Variants in SPART observed in about 807,000 individuals in gnomAD.
The protein encoded by SPART is spartin, also known as spastic paraplegia 20 (Troyer syndrome).
Under a neutral mutation model 58.7 loss-of-function variants are expected in SPART, and 35 were observed. That is an observed-to-expected ratio of 0.60 (90% CI 0.46 to 0.79). The LOEUF (loss-of-function observed/expected upper bound fraction) is 0.79. Ranked by LOEUF, SPART falls within the 30% of genes least tolerant of loss-of-function variation. SPART has a pLI of 0.00. For missense variants in SPART, 730 were observed against 786.1 expected (o/e 0.93, Z 0.85); for synonymous variants, 284 against 280.7 (o/e 1.01, Z -0.12).
chr13:36,313,011 C>T (rs903483137), intron 6 of SPART, among the ~76,000 whole-genome samples: 9 of 151,748 alleles, frequency 5.9e-5, no homozygotes, highest in Admixed American at 1.3e-4. Flanking sequence ...ATACTAAATA[C>T]CAAAAAAGAT....
At chr13:36,363,351 ATC>A (rs148406750) in intron 1 of SPART, among the ~76,000 whole-genome samples, 203 of 147,138 alleles carry the variant, frequency 1.4e-3, no homozygotes, top group Non-Finnish European at 1.1e-3. Context: ...TTAAATAAGC[ATC>A]TCTCTCTCTC....
At chr13:36,332,307 G>C (rs1296171034) in intron 2 of SPART, among the ~76,000 whole-genome samples, 1 of 152,142 alleles carries the variant, frequency 6.6e-6, no homozygotes, top group Non-Finnish European at 1.5e-5. Context: ...GACCTGCCTG[G>C]ACAACATGGT....
intron 1 of SPART, among the ~76,000 whole-genome samples, chr13:36,340,711 G>A (rs941704348): frequency 2.0e-5 from 3 of 151,946 alleles, no homozygotes; most frequent in Non-Finnish European, 4.4e-5. Flanking sequence ...TGGAGTAGGA[G>A]ACAACAGAAA....
rs1265280964 is a variant in SPART, at chr13:36,304,366, C to A, written c.2000G>T (p.Ter667LeuextTer1). Residue 667 changes from the stop codon to leucine (L), a stop_lost, in exon 9 of 9, where the codon TGA (stop) becomes TTA (leucine). Transcript: ENST00000438666. The part of the protein sequence containing the change: ...EVKEAKKKDK[*>L] ...GTATAAGTGATTCCCAGCACTTCAT[C>A]ATTTATCTTTCTTCTTTGCCTCCTT... 2 of 1,614,034 alleles carry A rather than the reference C, an allele frequency of 1.2e-6. No individual in the cohort carries two copies. Among genetic ancestry groups the A allele is most frequent in the Non-Finnish European group, 8.5e-7 (1 of 1,179,930 alleles).
chr13:36,304,374 T>C lies in SPART; in HGVS notation c.1992A>G (p.Lys664=), dbSNP rs774018447. The C allele has an allele frequency of 2.5e-6, 4 of 1,614,092 alleles. No individual in the cohort carries two copies. The South Asian group carries it at 4.4e-5, about 18-fold the overall frequency. Residue 664 remains lysine (K), a synonymous_variant, in exon 9 of 9, where the codon AAA becomes AAG. Coordinates refer to ENST00000438666, the MANE Select transcript of SPART (RefSeq NM_015087.5). ...QTKEVKEAKK[K]DK ...GATTCCCAGCACTTCATCATTTATC[T>C]TTCTTCTTTGCCTCCTTTACTTCCT...
chr13:36,348,054 G>A (rs1294380754), upstream of SPART, among the ~76,000 whole-genome samples: 1 of 152,178 alleles, frequency 6.6e-6, no homozygotes, highest in East Asian at 1.9e-4. Flanking sequence ...CAGAGGCCGA[G>A]GCAAGAGAAT....
At chr13:36,357,154 G>A (rs1049145239) in intron 1 of SPART, among the ~76,000 whole-genome samples, 1 of 152,180 alleles carries the variant, frequency 6.6e-6, no homozygotes, top group Non-Finnish European at 1.5e-5. Flanking sequence ...GAGGCAGAGC[G>A]TGGATGCTCC....
intron 6 of SPART, 98 bp downstream of exon 6, chr13:36,314,129 G>C (rs1479954076): frequency 1.6e-6 from 2 of 1,226,628 alleles, no homozygotes; most frequent in East Asian, 2.5e-5. Flanking sequence ...CTTTATTCTT[G>C]AGATTAAACC....
intron 6 of SPART, 199 bp from the exon 7 acceptor site, chr13:36,312,676 C>T (rs1441164764): frequency 1.6e-6 from 1 of 611,610 alleles, no homozygotes. Context: ...CTCCTGGGCT[C>T]AAGTGATCCT....
chr13:36,335,393 T>A lies in SPART; in HGVS notation c.438A>T (p.Ser146=). Reference sequence around the variant, plus strand: ...CAGCAACTGCCCCTGCACTTGGAGTTGAGGTGTTTCCATTTACTTCAGCAT... The same window carrying A: ...CAGCAACTGCCCCTGCACTTGGAGTAGAGGTGTTTCCATTTACTTCAGCAT... The part of the protein sequence containing the change: ...PQHAEVNGNT[S]TPSAGAVAAP... Residue 146 remains serine (S), a synonymous_variant, in exon 2 of 9, where the codon TCA becomes TCT. Transcript: ENST00000438666. The A allele has an allele frequency of 2.5e-6, 4 of 1,614,082 alleles. No individual in the cohort carries two copies. The highest frequency in any genetic ancestry group is 3.4e-6 in the Non-Finnish European group (4 of 1,180,000).
rs376411958 is a variant in SPART, at chr13:36,314,299, G to A, written c.1411C>T (p.Pro471Ser). The A allele has an allele frequency of 1.5e-4, 245 of 1,613,936 alleles. No homozygotes were observed. The highest frequency in any genetic ancestry group is 2.0e-4 in the Non-Finnish European group (237 of 1,180,026). ...ATATAAAGTCCCTTGGTGACAGCTG[G>A]ACTAACTTCCACGGGTTTTTCTTCT... ...QPEEKPVEVSPAVTKGLYIAK... is the reference protein window; with the variant it reads ...QPEEKPVEVSSAVTKGLYIAK... Residue 471 changes from proline to serine, a missense_variant, in exon 6 of 9, where the codon CCA becomes TCA. Physicochemically the swap from Pro to Ser is moderately conservative, Grantham distance 74. Coordinates refer to ENST00000438666, the MANE Select transcript of SPART (RefSeq NM_015087.5).
intron 1 of SPART, among the ~76,000 whole-genome samples, chr13:36,337,639 C>A (rs1884147357): frequency 6.6e-6 from 1 of 152,218 alleles, no homozygotes; most frequent in Non-Finnish European, 1.5e-5. Context: ...GTCAATTAAA[C>A]CTCTTTTCTT....
Position 36,304,244 on chromosome 13 carries a change from T to C in SPART, c.*121A>G, listed in dbSNP as rs2137249281. The C allele has an allele frequency of 2.0e-5, 24 of 1,191,828 alleles. No individual in the cohort carries two copies. Among genetic ancestry groups the C allele is most frequent in the Non-Finnish European group, 2.7e-5 (22 of 821,010 alleles). The allele number at this position is 1,191,828 out of a possible 1,614,324, so 73.8% of individuals were successfully genotyped here. A position where few individuals can be genotyped will look rare whatever the true frequency, so the allele number is the denominator to read the frequency against. On this transcript the variant is annotated 3_prime_UTR_variant, in exon 9 of 9. Coordinates refer to ENST00000438666, the MANE Select transcript of SPART (RefSeq NM_015087.5). The stretch of plus-strand genomic sequence containing the variant: ...ATGCCATAAAATTTATGAAAGTTAA[T>C]TTGTAGGAATGAATACATTTAAAAA...
At chr13:36,327,658 A>G (rs1334982608) in intron 4 of SPART, among the ~76,000 whole-genome samples, 1 of 152,222 alleles carries the variant, frequency 6.6e-6, no homozygotes, top group Non-Finnish European at 1.5e-5. Context: ...TTAACTACGC[A>G]TAAAATATAT....
chr13:36,358,016 T>G (rs1310936438), intron 1 of SPART, among the ~76,000 whole-genome samples: 1 of 152,156 alleles, frequency 6.6e-6, no homozygotes, highest in Admixed American at 6.5e-5. Context: ...CGAGCCTGAT[T>G]GCCCAAATGA....
In SPART at chr13:36,322,160, G is replaced by A. The variant is rs553279942; in HGVS notation, c.1288+4415C>T. 4.6e-5 allele frequency among the ~76,000 whole-genome samples: 7 copies of A among 152,268 alleles called. No individual in the cohort carries two copies. The East Asian group carries it at 5.8e-4, about 13-fold the overall frequency. On this transcript the variant is annotated intron_variant, in intron 5 of 8. Coordinates refer to ENST00000438666, the MANE Select transcript of SPART (RefSeq NM_015087.5). ...CAGCCATGTTGCTCACACAAAGCCC[G>A]TTTGGTGGTCTCTTCACACGGACGT...
chr13:36,366,827 T>C (rs1593299152), intron 1 of SPART, among the ~76,000 whole-genome samples: 1 of 152,118 alleles, frequency 6.6e-6, no homozygotes, highest in Non-Finnish European at 1.5e-5. Flanking sequence ...CCAAGAACCA[T>C]GGTGTTCCTC....
At chr13:36,348,015 G>A (rs1158447185), upstream of SPART, among the ~76,000 whole-genome samples, 1 of 152,132 alleles carries the variant, frequency 6.6e-6, no homozygotes, top group Admixed American at 6.5e-5. Flanking sequence ...GCCAGGCTTG[G>A]TGGCTTATGC....
At chr13:36,325,272 A>G (rs1341482) in intron 5 of SPART, among the ~76,000 whole-genome samples, 152,323 of 152,362 alleles carry the variant, frequency 1, 76,142 homozygotes, top group Non-Finnish European at 1. Context: ...AAGTGAAAAG[A>G]TTTTTCATTG....
Sources: allele counts gnomAD v4.1 joint callset (sites outside exome capture counted in the v4.1 genomes callset), GRCh38; gene constraint gnomAD v4.1.1; transcripts MANE v1.5; gene names NCBI Gene and HGNC (gene_info 2026-07-23, HGNC 2026-07-21).